The following STPG2 variants were observed in gnomAD, a reference collection of about 807,000 sequenced individuals.
STPG2 encodes sperm tail PG-rich repeat containing 2.
A neutral mutation model predicts 54.2 loss-of-function variants in STPG2; 56 were observed. That is an observed-to-expected ratio of 1.03 (90% confidence interval 0.83 to 1.29). The LOEUF is 1.29. Ranked by LOEUF, STPG2 falls within the 50% of genes most tolerant of loss-of-function variation. The pLI is 0.00. For missense variants in STPG2, 596 were observed against 544.9 expected (o/e 1.09, Z -0.93); for synonymous variants, 200 against 181.8 (o/e 1.10, Z -0.81).
intron 5 of STPG2, among the ~76,000 whole-genome samples, chr4:98,056,635 A>AC (rs544669886): frequency 1.8e-4 from 27 of 152,040 alleles, no homozygotes; most frequent in African/African-American, 5.8e-4. Context: ...GGAAAAAAAA[A>AC]ACACACACAT....
chr4:97,897,141 G>A (rs1009316387), intron 8 of STPG2, among the ~76,000 whole-genome samples: 3 of 151,800 alleles, frequency 2.0e-5, no homozygotes, highest in East Asian at 1.9e-4. Context: ...TCCCACTTAC[G>A]AGTGAAAATA....
downstream of STPG2, among the ~76,000 whole-genome samples, chr4:97,556,994 A>C (rs2148871001): frequency 1.3e-5 from 2 of 152,320 alleles, 1 homozygote; most frequent in Non-Finnish European, 2.9e-5. Flanking sequence ...CATCCTGGTC[A>C]ACAAGGTGAA....
intron 1 of STPG2, among the ~76,000 whole-genome samples, chr4:98,138,832 T>C (rs1740203431): frequency 6.6e-6 from 1 of 152,066 alleles, no homozygotes; most frequent in Non-Finnish European, 1.5e-5. Flanking sequence ...GAAAGAATAT[T>C]TTTAGGAGAT....
intron 10 of STPG2, among the ~76,000 whole-genome samples, chr4:97,599,953 T>G (rs146638223): frequency 3.9e-4 from 59 of 152,250 alleles, no homozygotes; most frequent in Middle Eastern, 3.4e-3. Flanking sequence ...TGGATGGAGC[T>G]GGAGGCCATT....
chr4:97,947,338 T>C (rs569674359), intron 7 of STPG2, among the ~76,000 whole-genome samples: 2 of 152,298 alleles, frequency 1.3e-5, no homozygotes, highest in South Asian at 2.1e-4. Flanking sequence ...TATATAATCA[T>C]ATCATTGGTG....
At chr4:97,625,651 A>G (rs1161202838) in intron 10 of STPG2, among the ~76,000 whole-genome samples, 1 of 152,144 alleles carries the variant, frequency 6.6e-6, no homozygotes, top group African/African-American at 2.4e-5. Flanking sequence ...CTGTGACTGT[A>G]TTTCTCAGTC....
At chr4:98,010,103 T>G (rs1386189174) in intron 5 of STPG2, among the ~76,000 whole-genome samples, 1 of 152,044 alleles carries the variant, frequency 6.6e-6, no homozygotes, top group African/African-American at 2.4e-5. Context: ...ATGATTTCAT[T>G]TATTTGCCCT....
chr4:97,487,200 A>G (rs987138730), intron 4 of STPG2, among the ~76,000 whole-genome samples: 3 of 142,370 alleles, frequency 2.1e-5, no homozygotes, highest in African/African-American at 5.6e-5. Context: ...TAACCTATGG[A>G]AAAAAAAAAC....
At chr4:97,884,926 G>A (rs1160697931) in intron 8 of STPG2, among the ~76,000 whole-genome samples, 1 of 151,934 alleles carries the variant, frequency 6.6e-6, no homozygotes, top group African/African-American at 2.4e-5. Flanking sequence ...GACTGTTACA[G>A]AAACCTACAC....
At chr4:97,826,771 C>A (rs1447029054) in intron 9 of STPG2, among the ~76,000 whole-genome samples, 5 of 152,136 alleles carry the variant, frequency 3.3e-5, no homozygotes, top group Middle Eastern at 3.4e-3. Context: ...GTATGTATTC[C>A]AAAATAATGG....
intron 5 of STPG2, among the ~76,000 whole-genome samples, chr4:98,084,924 T>C (rs1250701401): frequency 6.6e-6 from 1 of 152,126 alleles, no homozygotes. Flanking sequence ...ATCTTAATAA[T>C]GACTCAATGA....
At chr4:97,788,631 G>A (rs1038921726) in intron 9 of STPG2, among the ~76,000 whole-genome samples, 12 of 152,040 alleles carry the variant, frequency 7.9e-5, no homozygotes, top group African/African-American at 2.4e-4. Context: ...TCTATTTTCA[G>A]TTTTTTAAGG....
intron 9 of STPG2, among the ~76,000 whole-genome samples, chr4:97,816,844 C>A (rs1727928167): frequency 6.6e-6 from 1 of 150,826 alleles, no homozygotes; most frequent in Non-Finnish European, 1.5e-5. Flanking sequence ...TTCCTGCCTT[C>A]CTCCTTCCTT....
chr4:97,543,054 C>T (rs1014967597), intron 4 of STPG2, among the ~76,000 whole-genome samples: 1 of 151,896 alleles, frequency 6.6e-6, no homozygotes, highest in African/African-American at 2.4e-5. Context: ...AGCACACCAA[C>T]ATGGCACATG....
At chr4:97,893,133 T>G (rs1369894021) in intron 8 of STPG2, 1 of 152,040 alleles carries the variant, frequency 6.6e-6, no homozygotes, top group Non-Finnish European at 1.5e-5. Flanking sequence ...CATTCCTCAT[T>G]AGGTTCCTCA....
chr4:98,073,413 T>A (rs1196832984), intron 5 of STPG2, among the ~76,000 whole-genome samples: 2 of 144,780 alleles, frequency 1.4e-5, no homozygotes, highest in South Asian at 4.5e-4. Context: ...ATTCAATAAA[T>A]AATTTTGATG....
At chr4:97,508,109 T>G (rs1219440483) in intron 4 of STPG2, among the ~76,000 whole-genome samples, 1 of 152,038 alleles carries the variant, frequency 6.6e-6, no homozygotes, top group Non-Finnish European at 1.5e-5. Flanking sequence ...ATTCAGGAAA[T>G]TCCAGAGGTT....
intron 7 of STPG2, among the ~76,000 whole-genome samples, chr4:97,971,322 A>G (rs919979799): frequency 6.6e-6 from 1 of 152,210 alleles, no homozygotes; most frequent in Non-Finnish European, 1.5e-5. Flanking sequence ...AAGGGATTAT[A>G]AATCATGCTA....
intron 4 of STPG2, among the ~76,000 whole-genome samples, chr4:97,480,141 T>C (rs11947563): frequency 0.069 from 10,443 of 151,558 alleles, 1,154 homozygotes; most frequent in African/African-American, 0.24. Context: ...TCTATAGATA[T>C]TAGACAAATA....
Sources: gnomAD v4.1 joint callset for allele counts (sites outside exome capture counted in the v4.1 genomes callset) on GRCh38, gnomAD v4.1.1 for gene constraint, MANE v1.5 for transcripts, NCBI Gene and HGNC (gene_info 2026-07-23, HGNC 2026-07-21) for gene names.